Variants in TMPRSS2 observed in about 807,000 individuals in gnomAD.
TMPRSS2 encodes transmembrane serine protease 2.
In TMPRSS2, 59 loss-of-function variants were observed where a neutral mutation model predicts 67.4. The observed-to-expected ratio is 0.88, with a 90% CI of 0.71 to 1.09. The LOEUF is 1.09. TMPRSS2 is among the 50% of genes least tolerant of loss of function. TMPRSS2 has a pLI of 0.00. For synonymous variants in TMPRSS2, 257 were observed against 257.0 expected (o/e 1.00, Z 0.00); for missense variants, 668 against 642.7 (o/e 1.04, Z -0.43).
At position 41,473,727 on chromosome 21, in the gene TMPRSS2, T is replaced by TG. The variant is rs2091156635; in HGVS notation, c.728-232dup. On this transcript the variant is annotated intron_variant, in intron 8 of 13. Transcript: ENST00000332149. ...TTCCCTGAACACTCCTGTGATCCCATGGGGTCTCCCGGGACCCAGGTGGGG... is the reference window on the plus strand; with the variant it reads ...TTCCCTGAACACTCCTGTGATCCCATGGGGGTCTCCCGGGACCCAGGTGGGG... Among the ~76,000 whole-genome samples, 3 of 151,378 alleles carry TG rather than the reference T, an allele frequency of 2.0e-5. No homozygotes were observed. The South Asian group carries it at 6.3e-4, about 32-fold the overall frequency.
At chr21:41,492,108 G>A (rs557853844) in intron 3 of TMPRSS2, among the ~76,000 whole-genome samples, 48 of 152,308 alleles carry the variant, frequency 3.2e-4, no homozygotes, top group African/African-American at 7.9e-4. Flanking sequence ...CAGGAGAATC[G>A]CTTGAACCTG....
At chr21:41,468,306 G>T in intron 12 of TMPRSS2, 90 bp downstream of exon 12, 1 of 1,523,412 alleles carries the variant, frequency 6.6e-7, no homozygotes, top group Non-Finnish European at 9.0e-7. Flanking sequence ...CACTGAGGAG[G>T]CTCTGCTGAC....
intron 8 of TMPRSS2, among the ~76,000 whole-genome samples, chr21:41,475,339 GT>G (rs145283231): frequency 0.22 from 1,693 of 7,688 alleles, 21 homozygotes; most frequent in Non-Finnish European, 0.3. Context: ...GGAGGTGAAG[GT>G]GTGAGTGAGG....
rs35598191 is a variant in TMPRSS2, at chr21:41,491,151, ATT to A, written c.239-1560_239-1559del. On this transcript the variant is annotated intron_variant, in intron 3 of 13. Transcript: ENST00000332149. The stretch of plus-strand genomic sequence containing the variant: ...GGGGTCGGGCATGAATCTGCATTGC[ATT>A]TTTTTTTTTTTTTTTTTTTTTTGAG... Among the ~76,000 whole-genome samples, 1,061 of 106,560 alleles carry A rather than the reference ATT, an allele frequency of 1.0e-2. 4 individuals carry two copies. Among genetic ancestry groups the A allele is most frequent in the African/African-American group, 0.016 (457 of 28,912 alleles). 69.9% of individuals were successfully genotyped at this position (106,560 alleles called of 152,430 possible).
rs2091231787 is a variant in TMPRSS2, at chr21:41,478,327, T to C, written c.683+845A>G. Among the ~76,000 whole-genome samples, 1 of 151,942 alleles carries C rather than the reference T, an allele frequency of 6.6e-6. No homozygotes were observed. The highest frequency in any genetic ancestry group is 1.5e-5 in the Non-Finnish European group (1 of 67,990). On this transcript the variant is annotated intron_variant, in intron 7 of 13. Transcript: ENST00000332149. The surrounding 1 kb of genome is among the most constrained non-coding windows in gnomAD (Gnocchi z 4.0). Reference sequence around the variant, plus strand: ...AAGGTGGCGCGGGGTGATTAGTTCATCCTCCCCCGAAATGCAGCACCTGGC... The same window carrying C: ...AAGGTGGCGCGGGGTGATTAGTTCACCCTCCCCCGAAATGCAGCACCTGGC...
At chr21:41,472,377 TATCA>T (rs1212769559) in intron 9 of TMPRSS2, among the ~76,000 whole-genome samples, 1 of 152,222 alleles carries the variant, frequency 6.6e-6, no homozygotes, top group Non-Finnish European at 1.5e-5. Context: ...ACTTGTCCGA[TATCA>T]ATCAAACCAT....
At chr21:41,476,492 C>A in intron 8 of TMPRSS2, 85 bp downstream of exon 8, 1 of 1,406,248 alleles carries the variant, frequency 7.1e-7, no homozygotes, top group Non-Finnish European at 1.0e-6. Flanking sequence ...CTCCCACGCC[C>A]CCAGAGACAC....
chr21:41,477,163 G>C (rs904929293), intron 7 of TMPRSS2, among the ~76,000 whole-genome samples: 1 of 152,214 alleles, frequency 6.6e-6, no homozygotes, highest in African/African-American at 2.4e-5. Context: ...AGGCTATGCT[G>C]AGAAGGGAAG....
chr21:41,466,093 G>A lies in TMPRSS2; in HGVS notation c.*49C>T, dbSNP rs1274835973. ...AATCATGCACGGGGAAGCAAAACCA[G>A]CCCCATTGTTTTCTTGTAAAACGAC... On this transcript the variant is annotated 3_prime_UTR_variant, in exon 14 of 14. Transcript: ENST00000332149. 1.1e-5 allele frequency: 18 copies of A among 1,610,994 alleles called. No individual in the cohort carries two copies. Among genetic ancestry groups the A allele is most frequent in the Non-Finnish European group, 1.4e-5 (17 of 1,177,582 alleles).
At chr21:41,488,541 C>T (rs1188025817) in intron 4 of TMPRSS2, 28 bp from the exon 5 acceptor site, 5 of 1,596,898 alleles carry the variant, frequency 3.1e-6, no homozygotes, top group Non-Finnish European at 4.3e-6. Context: ...AGAGAGGTGC[C>T]CTTCAGGCTG....
intron 4 of TMPRSS2, among the ~76,000 whole-genome samples, 197 bp from the exon 5 acceptor site, chr21:41,488,710 T>C (rs1451587599): frequency 6.6e-6 from 1 of 152,200 alleles, no homozygotes; most frequent in African/African-American, 2.4e-5. Context: ...CAATCTTGGC[T>C]CACTGCAACC....
intron 10 of TMPRSS2, 100 bp from the exon 11 acceptor site, chr21:41,470,843 C>T (rs1478939649): frequency 2.2e-6 from 2 of 926,354 alleles, no homozygotes; most frequent in Non-Finnish European, 1.6e-6. Context: ...ACCCTGGCCA[C>T]CCTGCCCAGA....
rs573340220 is a variant in TMPRSS2 at position 41,464,922 on chromosome 21, G to C, written c.*1220C>G. The C allele has an allele frequency of 4.3e-6, 1 of 233,172 alleles. No individual in the cohort carries two copies. The highest frequency in any genetic ancestry group is 8.5e-6 in the Non-Finnish European group (1 of 118,064). 14.4% of individuals were successfully genotyped at this position (233,172 alleles called of 1,614,324 possible). On this transcript the variant is annotated 3_prime_UTR_variant, in exon 14 of 14. Transcript: ENST00000332149. ...CAGGAGGCAGAACCATGGTAGAGTA[G>C]TGCTCATGGTTATGGCACTTGGCAA...
Position 41,465,411 on chromosome 21 carries a change from G to C in TMPRSS2, c.*731C>G, listed in dbSNP as rs1238645100. On this transcript the variant is annotated 3_prime_UTR_variant, in exon 14 of 14. Coordinates refer to ENST00000332149, the MANE Select transcript of TMPRSS2 (RefSeq NM_005656.4). ...GGGTGCTAGGAGCAGGGTCAGGGAGGATGAGGAGGAAGGCTGAGTCTCCCT... is the reference window on the plus strand; with the variant it reads ...GGGTGCTAGGAGCAGGGTCAGGGAGCATGAGGAGGAAGGCTGAGTCTCCCT... 4.3e-6 allele frequency: 1 copy of C among 233,582 alleles called. No individual in the cohort carries two copies. The highest frequency in any genetic ancestry group is 8.5e-6 in the Non-Finnish European group (1 of 118,120). The allele number at this position is 233,582 out of a possible 1,614,324, so 14.5% of individuals were successfully genotyped here. A position where few individuals can be genotyped will look rare whatever the true frequency, so the allele number is the denominator to read the frequency against.
chr21:41,499,080 C>G (rs1020890969), intron 1 of TMPRSS2, among the ~76,000 whole-genome samples: 3 of 152,086 alleles, frequency 2.0e-5, no homozygotes, highest in African/African-American at 7.2e-5. Flanking sequence ...TGTGGGCCCT[C>G]TCAATTTTTA....
chr21:41,473,596 A>G (rs902306088), intron 8 of TMPRSS2, 100 bp from the exon 9 acceptor site: 135 of 1,316,030 alleles, frequency 1.0e-4, no homozygotes, highest in Non-Finnish European at 1.3e-4. Flanking sequence ...CTGCAAGGAC[A>G]GGGCAGGGGC....
chr21:41,466,776 A>G (rs558125134), intron 13 of TMPRSS2, among the ~76,000 whole-genome samples: 1 of 152,232 alleles, frequency 6.6e-6, no homozygotes, highest in Admixed American at 6.5e-5. Flanking sequence ...GACAGAATAG[A>G]CTGCTTTCTT....
intron 1 of TMPRSS2, among the ~76,000 whole-genome samples, chr21:41,501,865 T>C (rs563670115): frequency 2.0e-4 from 31 of 152,352 alleles, no homozygotes; most frequent in Admixed American, 9.1e-4. Flanking sequence ...GACAATGCTG[T>C]TTAGCGAATG....
At chr21:41,467,348 C>T (rs1057059173) in intron 13 of TMPRSS2, among the ~76,000 whole-genome samples, 1 of 150,560 alleles carries the variant, frequency 6.6e-6, no homozygotes, top group African/African-American at 2.5e-5. Flanking sequence ...GAGATTGTGC[C>T]ACTGCACTCC....
Sources: gnomAD v4.1 joint callset for allele counts (sites outside exome capture counted in the v4.1 genomes callset) on GRCh38, gnomAD v4.1.1 for gene constraint, Gnocchi (gnomAD v3.1) non-coding constraint, MANE v1.5 for transcripts, NCBI Gene and HGNC (gene_info 2026-07-23, HGNC 2026-07-21) for gene names.